Variants in ANKRD36 observed in about 807,000 individuals in gnomAD.
The protein encoded by ANKRD36 is ankyrin repeat domain-containing protein 36A.
In ANKRD36, 179 loss-of-function variants were observed where a neutral mutation model predicts 278.1. The observed-to-expected ratio is 0.64, with a 90% CI of 0.57 to 0.73. The LOEUF is 0.73. ANKRD36 is among the 30% of genes least tolerant of loss of function. The pLI, the probability that ANKRD36 is intolerant of heterozygous loss-of-function variation, is 0.00. For missense variants in ANKRD36, 1,159 were observed against 1,956.7 expected (o/e 0.59, Z 7.69); for synonymous variants, 320 against 641.1 (o/e 0.50, Z 7.57).
intron 6 of ANKRD36, among the ~76,000 whole-genome samples, chr2:97,135,353 T>C (rs2041219997): frequency 6.6e-6 from 1 of 151,834 alleles, no homozygotes; most frequent in South Asian, 2.1e-4. Flanking sequence ...ATATCTATAA[T>C]AAAATTTAAT....
intron 24 of ANKRD36, among the ~76,000 whole-genome samples, chr2:97,180,353 TAAG>T (rs948040261): frequency 2.0e-5 from 3 of 151,540 alleles, no homozygotes; most frequent in Non-Finnish European, 3.0e-5. Context: ...GAACGAGAGC[TAAG>T]AAGACCACTG....
At chr2:97,222,506 G>T (rs1023400405) in intron 66 of ANKRD36, among the ~76,000 whole-genome samples, 1 of 152,078 alleles carries the variant, frequency 6.6e-6, no homozygotes, top group African/African-American at 2.4e-5. Flanking sequence ...CCTGCCATTT[G>T]GATAAAAGCC....
chr2:97,143,575 C>T (rs2153452219), intron 8 of ANKRD36, among the ~76,000 whole-genome samples: 1 of 151,870 alleles, frequency 6.6e-6, no homozygotes, highest in African/African-American at 2.4e-5. Flanking sequence ...CATATATTTG[C>T]TTTGTTTTTA....
At chr2:97,164,544 C>G in intron 20 of ANKRD36, 75 bp downstream of exon 20, 17 of 1,468,650 alleles carry the variant, frequency 1.2e-5, no homozygotes, top group Non-Finnish European at 1.5e-5. Context: ...TTTTTTGATT[C>G]CCACTTTTTA....
chr2:97,154,034 T>A (rs932041852), intron 14 of ANKRD36, among the ~76,000 whole-genome samples: 8 of 148,888 alleles, frequency 5.4e-5, no homozygotes, highest in Non-Finnish European at 1.2e-4. Context: ...GTTTTAATCT[T>A]CTGTGAAGAA....
At chr2:97,185,787 T>C (rs543816680) in intron 30 of ANKRD36, among the ~76,000 whole-genome samples, 82 of 151,920 alleles carry the variant, frequency 5.4e-4, no homozygotes, top group Non-Finnish European at 9.7e-4. Flanking sequence ...AGCATAATTT[T>C]GCTTTAATTC....
intron 45 of ANKRD36, 40 bp downstream of exon 45, chr2:97,200,402 A>G (rs1575753357): frequency 1.2e-6 from 2 of 1,603,356 alleles, no homozygotes; most frequent in Non-Finnish European, 1.7e-6. Context: ...TAGTAAACGT[A>G]TAGCCTATGA....
intron 42 of ANKRD36, among the ~76,000 whole-genome samples, chr2:97,198,186 G>T (rs1415118425): frequency 2.0e-5 from 3 of 151,908 alleles, no homozygotes; most frequent in African/African-American, 7.2e-5. Context: ...TCATCACTCG[G>T]CATATCCACG....
At chr2:97,183,847 G>C (rs970656946) in intron 28 of ANKRD36, among the ~76,000 whole-genome samples, 193 bp downstream of exon 28, 1 of 151,624 alleles carries the variant, frequency 6.6e-6, no homozygotes, top group Non-Finnish European at 1.5e-5. Flanking sequence ...TAACAAGCTT[G>C]TAGAGTTCCC....
intron 22 of ANKRD36, among the ~76,000 whole-genome samples, chr2:97,174,584 G>C (rs2053666077): frequency 6.6e-6 from 1 of 151,788 alleles, no homozygotes; most frequent in Non-Finnish European, 1.5e-5. Context: ...GGGACAATTT[G>C]ACTTCCTCTT....
chr2:97,133,133 C>T (rs778450987), intron 6 of ANKRD36, among the ~76,000 whole-genome samples: 21 of 151,992 alleles, frequency 1.4e-4, no homozygotes. Context: ...TGCATGTAGG[C>T]CTTTCTAAGA....
At chr2:97,149,155 T>C in intron 11 of ANKRD36, 140 bp from the exon 12 acceptor site, 1 of 680,128 alleles carries the variant, frequency 1.5e-6, no homozygotes. Context: ...AGAAATATTA[T>C]TTAACATGCA....
chr2:97,148,124 A>C (rs1310410962), intron 11 of ANKRD36, among the ~76,000 whole-genome samples: 1 of 151,974 alleles, frequency 6.6e-6, no homozygotes, highest in African/African-American at 2.4e-5. Flanking sequence ...GCTTAAGTAC[A>C]TAGATCTGTG....
intron 42 of ANKRD36, 80 bp downstream of exon 42, chr2:97,196,868 G>A (rs1302273562): frequency 3.3e-6 from 5 of 1,526,076 alleles, no homozygotes; most frequent in South Asian, 2.5e-5. Context: ...TCAGCGGGGG[G>A]CTCATCGAAG....
intron 56 of ANKRD36, 111 bp from the exon 57 acceptor site, chr2:97,211,435 C>T (rs1176925602): frequency 3.4e-5 from 51 of 1,493,332 alleles, no homozygotes; most frequent in Non-Finnish European, 4.5e-5. Context: ...GCCGTCAAGG[C>T]CTACACTAAT....
chr2:97,180,736 G>A (rs1449417622), intron 24 of ANKRD36, among the ~76,000 whole-genome samples: 1 of 151,662 alleles, frequency 6.6e-6, no homozygotes, highest in Non-Finnish European at 1.5e-5. Context: ...AACTTCCTTA[G>A]AGACTAACAT....
At chr2:97,226,675 G>T (rs1472873961) in intron 67 of ANKRD36, among the ~76,000 whole-genome samples, 4 of 151,904 alleles carry the variant, frequency 2.6e-5, no homozygotes, top group African/African-American at 9.7e-5. Flanking sequence ...ATTGCTTTTG[G>T]TGTTTTAGAC....
At chr2:97,226,213 A>G (rs1388617426) in intron 67 of ANKRD36, among the ~76,000 whole-genome samples, 18 of 151,592 alleles carry the variant, frequency 1.2e-4, no homozygotes, top group African/African-American at 4.1e-4. Flanking sequence ...GACTTCCACA[A>G]TGGTTGAACT....
chr2:97,170,620 A>T (rs2052177051), intron 22 of ANKRD36, among the ~76,000 whole-genome samples: 1 of 152,008 alleles, frequency 6.6e-6, no homozygotes, highest in Non-Finnish European at 1.5e-5. Flanking sequence ...CCTAGCCATT[A>T]CCATTCAGGA....
Sources: gnomAD v4.1 joint callset for allele counts (sites outside exome capture counted in the v4.1 genomes callset) on GRCh38, gnomAD v4.1.1 for gene constraint, MANE v1.5 for transcripts, NCBI Gene and HGNC (gene_info 2026-07-23, HGNC 2026-07-21) for gene names.